The following SIMC1 variants were observed in gnomAD, a reference collection of about 807,000 sequenced individuals.
The protein encoded by SIMC1 is SUMO-interacting motif-containing protein 1.
In SIMC1, 55 loss-of-function variants were observed where a neutral mutation model predicts 82.3. That is an observed-to-expected ratio of 0.67 (90% CI 0.54 to 0.84). The LOEUF is 0.84. Ranked by LOEUF, SIMC1 falls within the 40% of genes least tolerant of loss-of-function variation. SIMC1 has a pLI of 0.00. For missense variants in SIMC1, 915 were observed against 1,107.2 expected, an observed-to-expected ratio of 0.83 and a Z score of 2.46; for synonymous variants, 353 against 426.3, an observed-to-expected ratio of 0.83 and a Z score of 2.12.
At chr5:176,242,717 T>C (rs997313741) in intron 1 of SIMC1, among the ~76,000 whole-genome samples, 7 of 152,120 alleles carry the variant, frequency 4.6e-5, no homozygotes, top group Admixed American at 6.5e-5. Context: ...CAATCATATC[T>C]CTTTCTCTGC....
chr5:176,263,039 C>T (rs1762070646), intron 1 of SIMC1, among the ~76,000 whole-genome samples: 1 of 151,812 alleles, frequency 6.6e-6, no homozygotes, highest in Non-Finnish European at 1.5e-5. Flanking sequence ...TTACCATTTA[C>T]ATTTACATTA....
At chr5:176,331,233 G>T (rs1206987446) in intron 7 of SIMC1, among the ~76,000 whole-genome samples, 1 of 152,004 alleles carries the variant, frequency 6.6e-6, no homozygotes, top group Non-Finnish European at 1.5e-5. Flanking sequence ...AGCCAGGCAT[G>T]GTGGCAGGCC....
chr5:176,345,830 C>T lies in SIMC1; in HGVS notation c.*385C>T, dbSNP rs1766450455. 2 of 152,774 alleles carry T rather than the reference C, an allele frequency of 1.3e-5. No individual in the cohort carries two copies. Among genetic ancestry groups the T allele is most frequent in the East Asian group, 1.9e-4 (1 of 5,212 alleles). The allele number at this position is 152,774 out of a possible 1,614,324, so 9.5% of individuals were successfully genotyped here. ...CCGACAACCTGTTTCAGGAGAGAGA[C>T]GTTCATTTTTCCCTAATGAAATGCA... On this transcript the variant is annotated 3_prime_UTR_variant, in exon 10 of 10. Coordinates refer to ENST00000429602, the MANE Select transcript of SIMC1 (RefSeq NM_001308195.2).
chr5:176,284,113 C>G (rs1222274843), intron 1 of SIMC1, among the ~76,000 whole-genome samples: 1 of 152,118 alleles, frequency 6.6e-6, no homozygotes, highest in African/African-American at 2.4e-5. Flanking sequence ...TTAGACAGAT[C>G]AATGAGATAG....
At chr5:176,308,661 A>G (rs2113331773) in intron 4 of SIMC1, 2 of 1,569,496 alleles carry the variant, frequency 1.3e-6, no homozygotes, top group East Asian at 4.5e-5. Context: ...GCACATCTCC[A>G]TTGAGGGCCA....
intron 5 of SIMC1, among the ~76,000 whole-genome samples, chr5:176,318,887 A>AGGTGTTCAAGAC (rs1355080395): frequency 1.3e-5 from 2 of 152,100 alleles, no homozygotes; most frequent in African/African-American, 4.8e-5. Context: ...TGGGTGGATC[A>AGGTGTTCAAGAC]CTTTGAGCTC....
At chr5:176,282,897 T>C (rs1418517038) in intron 1 of SIMC1, among the ~76,000 whole-genome samples, 2 of 152,176 alleles carry the variant, frequency 1.3e-5, no homozygotes, top group East Asian at 1.9e-4. Flanking sequence ...CAGTAGCCGA[T>C]TCGATCAACT....
Position 176,290,065 on chromosome 5 carries a change from G to A in SIMC1, c.541G>A (p.Asp181Asn). ...CTTGGCAAGTCTACAGCTGTCTTCA[G>A]ATGTTAGCTCCCTCTCCCCAACAAG... is the stretch of plus-strand genomic sequence containing the variant. ...SFLASLQLSS[D>N]VSSLSPTSNN... Residue 181 changes from aspartate to asparagine, a missense_variant, in exon 2 of 10, where the codon GAT becomes AAT. Asp to Asn is a conservative substitution (Grantham distance 23). Around this residue, in one of 2 missense-constraint regions of SIMC1, gnomAD observed 902 missense variants for 1,040.3 expected, o/e 0.87. Transcript: ENST00000429602. The A allele has an allele frequency of 6.2e-7, 1 of 1,610,154 alleles. No homozygotes were observed. The highest frequency in any genetic ancestry group is 8.5e-7 in the Non-Finnish European group (1 of 1,178,078).
chr5:176,256,320 C>T (rs1761850865), intron 1 of SIMC1, among the ~76,000 whole-genome samples: 1 of 151,974 alleles, frequency 6.6e-6, no homozygotes, highest in Non-Finnish European at 1.5e-5. Context: ...TATATATACA[C>T]GTATTTTTTA....
intron 5 of SIMC1, among the ~76,000 whole-genome samples, chr5:176,319,047 T>G (rs1314251900): frequency 6.6e-6 from 1 of 152,132 alleles, no homozygotes; most frequent in African/African-American, 2.4e-5. Flanking sequence ...TGGCAGAGGT[T>G]GCACTGAGCT....
At chr5:176,256,243 C>G (rs1287671696) in intron 1 of SIMC1, among the ~76,000 whole-genome samples, 7 of 152,144 alleles carry the variant, frequency 4.6e-5, no homozygotes, top group Non-Finnish European at 1.0e-4. Context: ...CAGATCAATA[C>G]TTCAAGAAAA....
intron 1 of SIMC1, among the ~76,000 whole-genome samples, chr5:176,251,097 C>T (rs1257494224): frequency 6.6e-6 from 1 of 152,132 alleles, no homozygotes. Context: ...CACGGTGGCT[C>T]ACCCCTACAA....
intron 9 of SIMC1, among the ~76,000 whole-genome samples, chr5:176,344,437 G>A (rs1419101309): frequency 7.3e-5 from 11 of 150,284 alleles, no homozygotes; most frequent in African/African-American, 2.2e-4. Context: ...TTGGGAGGCC[G>A]AGGCTTGCGG....
chr5:176,327,088 T>C (rs1765427260), intron 7 of SIMC1, among the ~76,000 whole-genome samples: 2 of 152,152 alleles, frequency 1.3e-5, no homozygotes, highest in East Asian at 1.9e-4. Flanking sequence ...TTCATTTGGG[T>C]CCAACTCCTC....
rs368529631 is a variant in SIMC1, at chr5:176,287,758, A to T, written c.130-1896A>T. Among the ~76,000 whole-genome samples, 9 of 152,190 alleles carry T rather than the reference A, an allele frequency of 5.9e-5. No homozygotes were observed. In the East Asian group the frequency reaches 1.7e-3, roughly 29 times the overall value. On this transcript the variant is annotated intron_variant, in intron 1 of 9. Coordinates refer to ENST00000429602, the MANE Select transcript of SIMC1 (RefSeq NM_001308195.2). ...AATCGACAAAAAAAAGTTTACTCAA[A>T]CTAGTGAACTTAGCAAGGTTGCAGG...
At chr5:176,333,780 C>T (rs1197147158) in intron 7 of SIMC1, among the ~76,000 whole-genome samples, 1 of 152,066 alleles carries the variant, frequency 6.6e-6, no homozygotes, top group Admixed American at 6.6e-5. Flanking sequence ...CTCTTATCTT[C>T]TGGGAATCTA....
At chr5:176,242,476 T>G (rs964520339) in intron 1 of SIMC1, among the ~76,000 whole-genome samples, 12 of 148,336 alleles carry the variant, frequency 8.1e-5, no homozygotes, top group African/African-American at 3.2e-4. Context: ...ATTTTATGCA[T>G]TCAGGACATA....
chr5:176,284,829 G>A (rs1284159891), intron 1 of SIMC1, among the ~76,000 whole-genome samples: 1 of 152,188 alleles, frequency 6.6e-6, no homozygotes, highest in Non-Finnish European at 1.5e-5. Flanking sequence ...ACACCTCTAT[G>A]CAAATAAACT....
chr5:176,314,329 CATAAA>C (rs1323032076), intron 5 of SIMC1, among the ~76,000 whole-genome samples: 1 of 152,108 alleles, frequency 6.6e-6, no homozygotes, highest in African/African-American at 2.4e-5. Context: ...TCCTGATAAT[CATAAA>C]AGAAACCAAC....
Sources: allele counts gnomAD v4.1 joint callset (sites outside exome capture counted in the v4.1 genomes callset), GRCh38; gene constraint gnomAD v4.1.1; regional missense constraint gnomAD v4.1.1; transcripts MANE v1.5; gene names NCBI Gene and HGNC (gene_info 2026-07-23, HGNC 2026-07-21).